Variants in SLC36A1 observed in about 807,000 individuals in gnomAD.
SLC36A1 encodes solute carrier family 36 member 1, also known as proton-coupled amino acid transporter 1.
A neutral mutation model predicts 47.5 loss-of-function variants in SLC36A1; 30 were observed. The ratio of observed to expected loss-of-function variants is 0.63; its 90% confidence interval spans 0.47 to 0.86. The LOEUF (loss-of-function observed/expected upper bound fraction) is 0.86, where lower values mean the gene tolerates loss of function less well. Among genes scored for constraint, SLC36A1 ranks in the 40% least tolerant of loss-of-function variants. SLC36A1 has a pLI of 0.00. For missense variants in SLC36A1, 517 were observed against 606.0 expected, an observed-to-expected ratio of 0.85 and a Z score of 1.54; for synonymous variants, 255 against 249.7, an observed-to-expected ratio of 1.02 and a Z score of -0.20.
chr5:151,386,792 C>G, the SLC36A1 span, among the ~76,000 whole-genome samples: 3 of 152,334 alleles, frequency 2.0e-5, no homozygotes, highest in East Asian at 3.9e-4. Flanking sequence ...CTGTCTTTCT[C>G]AATGTCTGCT....
the SLC36A1 span, among the ~76,000 whole-genome samples, chr5:151,402,724 A>G: frequency 6.6e-6 from 1 of 152,154 alleles, no homozygotes; most frequent in Admixed American, 6.5e-5. Flanking sequence ...TTCCTTCTGA[A>G]TAAATCTTGG....
the SLC36A1 span, among the ~76,000 whole-genome samples, chr5:151,518,301 A>T: frequency 6.6e-6 from 1 of 151,470 alleles, no homozygotes; most frequent in Non-Finnish European, 1.5e-5. Flanking sequence ...GTGAACCATG[A>T]TCTTGCCACT....
the SLC36A1 span, chr5:151,549,482 G>C: frequency 6.2e-7 from 1 of 1,614,194 alleles, no homozygotes; most frequent in South Asian, 1.1e-5. Context: ...AGTTCCTCTT[G>C]ATAGGTATTT....
chr5:151,416,038 G>T, the SLC36A1 span, among the ~76,000 whole-genome samples: 1 of 152,172 alleles, frequency 6.6e-6, no homozygotes, highest in South Asian at 2.1e-4. Flanking sequence ...CCCAGGAGGC[G>T]GAGGTTGCAG....
At chr5:151,458,042 T>C (rs1315015801) in intron 1 of SLC36A1, among the ~76,000 whole-genome samples, 7 of 151,692 alleles carry the variant, frequency 4.6e-5, no homozygotes, top group Non-Finnish European at 8.8e-5. Context: ...GAGACGGGGT[T>C]TCTCCATGTT....
At chr5:151,400,103 A>AAACG in the SLC36A1 span, among the ~76,000 whole-genome samples, 1 of 152,168 alleles carries the variant, frequency 6.6e-6, no homozygotes, top group Non-Finnish European at 1.5e-5. Context: ...GAACGATCCC[A>AAACG]TAACCCAGGT....
chr5:151,511,255 GTGTTGACAGGCATGTCACA>G, the SLC36A1 span: 1 of 152,206 alleles, frequency 6.6e-6, no homozygotes, highest in Non-Finnish European at 1.5e-5. Flanking sequence ...GTAATGCGAA[GTGTTGACAGGCATGTCACA>G]TGTTGACAGG....
At chr5:151,523,788 A>C in the SLC36A1 span, among the ~76,000 whole-genome samples, 6 of 152,092 alleles carry the variant, frequency 3.9e-5, no homozygotes, top group Admixed American at 2.0e-4. Flanking sequence ...CTCTGCTTGG[A>C]TGTCTCACAA....
chr5:151,473,453 G>T (rs1046890038), intron 7 of SLC36A1, among the ~76,000 whole-genome samples: 1 of 152,014 alleles, frequency 6.6e-6, no homozygotes, highest in African/African-American at 2.4e-5. Flanking sequence ...ATAGTACCTT[G>T]GGCTTGTCTT....
chr5:151,515,594 TC>T, the SLC36A1 span, among the ~76,000 whole-genome samples: 1 of 152,174 alleles, frequency 6.6e-6, no homozygotes, highest in Non-Finnish European at 1.5e-5. Flanking sequence ...ACTCCATTCT[TC>T]CAGTTGCCCA....
the SLC36A1 span, among the ~76,000 whole-genome samples, chr5:151,516,424 A>C: frequency 1.3e-5 from 2 of 152,122 alleles, no homozygotes; most frequent in South Asian, 4.1e-4. Flanking sequence ...ACTGAGACAC[A>C]AGAATCACCT....
intron 1 of SLC36A1, among the ~76,000 whole-genome samples, chr5:151,450,581 A>G (rs1753508058): frequency 6.6e-6 from 1 of 152,222 alleles, no homozygotes; most frequent in Non-Finnish European, 1.5e-5. Context: ...GCAGATGTCC[A>G]CTTACTGGCA....
At chr5:151,370,809 A>G in the SLC36A1 span, among the ~76,000 whole-genome samples, 2 of 152,196 alleles carry the variant, frequency 1.3e-5, no homozygotes, top group East Asian at 1.9e-4. Flanking sequence ...CCTGGCCAAC[A>G]TGGTGAAACC....
At chr5:151,455,925 A>T (rs1174126774) in intron 1 of SLC36A1, among the ~76,000 whole-genome samples, 1 of 152,216 alleles carries the variant, frequency 6.6e-6, no homozygotes, top group Admixed American at 6.5e-5. Flanking sequence ...TATGATGTCC[A>T]GTGTTAGCAT....
chr5:151,347,421 C>T, the SLC36A1 span: 43 of 1,614,082 alleles, frequency 2.7e-5, no homozygotes, highest in South Asian at 6.6e-5. Flanking sequence ...TTGATGGCAA[C>T]GGCTCCCTGG....
chr5:151,383,594 A>T, the SLC36A1 span, among the ~76,000 whole-genome samples: 2 of 126,130 alleles, frequency 1.6e-5, no homozygotes, highest in Non-Finnish European at 3.2e-5. Flanking sequence ...TTTTTTGGAG[A>T]CAGAGACTCG....
intron 7 of SLC36A1, 100 bp downstream of exon 7, chr5:151,468,025 G>C: frequency 1.0e-6 from 1 of 971,682 alleles, no homozygotes. Flanking sequence ...GGAGGTGGGG[G>C]CGGGTGGATC....
intron 7 of SLC36A1, among the ~76,000 whole-genome samples, chr5:151,472,804 A>T (rs1024799877): frequency 5.9e-5 from 9 of 152,126 alleles, no homozygotes; most frequent in Non-Finnish European, 1.2e-4. Context: ...TAAAATTAAA[A>T]TTTTTTCTCA....
chr5:151,386,317 G>A, the SLC36A1 span, among the ~76,000 whole-genome samples: 9 of 152,334 alleles, frequency 5.9e-5, no homozygotes, highest in South Asian at 1.2e-3. Context: ...GCACTACTGA[G>A]TGAGAAGTTT....
Sources: allele counts gnomAD v4.1 joint callset (sites outside exome capture counted in the v4.1 genomes callset), GRCh38; gene constraint gnomAD v4.1.1; transcripts MANE v1.5; gene names NCBI Gene and HGNC (gene_info 2026-07-23, HGNC 2026-07-21).